The following NPY1R variants were observed in gnomAD, a reference collection of about 807,000 sequenced individuals.
The protein encoded by NPY1R is neuropeptide Y receptor Y1, also known as neuropeptide Y receptor type 1.
NPY1R carries 10 observed loss-of-function variants against 24.1 expected under a neutral mutation model. That is an observed-to-expected ratio of 0.42 (90% confidence interval 0.26 to 0.71). The LOEUF is 0.71. Among genes scored for constraint, NPY1R ranks in the 30% least tolerant of loss-of-function variants. The pLI is 0.28. For missense variants in NPY1R, 350 were observed against 458.0 expected (o/e 0.76, Z 2.15); for synonymous variants, 168 against 165.9 (o/e 1.01, Z -0.10).
chr4:163,326,093 A>G lies in NPY1R; in HGVS notation c.462T>C (p.His154=). Residue 154 remains histidine (H), a synonymous_variant, in exon 2 of 3, where the codon CAT becomes CAC. Transcript: ENST00000296533. ...AAATCACAGCAATACCTACATAAGC[A>G]TGTCTATTATTTGGTCTCCACCCTC... The part of the protein sequence containing the change: ...NPRGWRPNNR[H]AYVGIAVIWV... 6.2e-7 allele frequency: 1 copy of G among 1,614,158 alleles called. No individual in the cohort carries two copies. Among genetic ancestry groups the G allele is most frequent in the Non-Finnish European group, 8.5e-7 (1 of 1,179,996 alleles).
chr4:163,325,254 T>C lies in NPY1R; in HGVS notation c.*49A>G, dbSNP rs755294806. ...GGTAATCAAAGTATGTTGCAGGTTG[T>C]GCTTGTTTTTAAACAGATGTCATCC... On this transcript the variant is annotated 3_prime_UTR_variant, in exon 3 of 3. Coordinates refer to ENST00000296533, the MANE Select transcript of NPY1R (RefSeq NM_000909.6). 1.1e-5 allele frequency: 14 copies of C among 1,305,620 alleles called. No homozygotes were observed. The highest frequency in any genetic ancestry group is 1.5e-5 in the Non-Finnish European group (14 of 930,858). The allele number at this position is 1,305,620 out of a possible 1,614,324, so 80.9% of individuals were successfully genotyped here.
chr4:163,344,138 T>C (rs1028472395), intron 1 of NPY1R: 3 of 151,948 alleles, frequency 2.0e-5, no homozygotes, highest in African/African-American at 7.3e-5. Context: ...TGCCAGGGCG[T>C]TGTCGGGGGT....
upstream of NPY1R, among the ~76,000 whole-genome samples, chr4:163,335,394 C>T (rs1352291476): frequency 2.0e-5 from 3 of 152,132 alleles, no homozygotes; most frequent in Admixed American, 2.0e-4. Flanking sequence ...AAACTTATGG[C>T]CTGGCTCAGC....
intron 1 of NPY1R, among the ~76,000 whole-genome samples, chr4:163,338,686 T>C (rs907906585): frequency 6.6e-6 from 1 of 152,126 alleles, no homozygotes; most frequent in African/African-American, 2.4e-5. Flanking sequence ...CCACCAGAGA[T>C]CCCAATCTTA....
At chr4:163,334,718 G>C (rs535758717), upstream of NPY1R, among the ~76,000 whole-genome samples, 65 of 152,152 alleles carry the variant, frequency 4.3e-4, no homozygotes, top group Non-Finnish European at 7.9e-4. Flanking sequence ...AAATTAGCCA[G>C]GTGTGGTGGT....
chr4:163,326,084 T>G lies in NPY1R; in HGVS notation c.471A>C (p.Val157=), dbSNP rs1293771005. The G allele has an allele frequency of 6.2e-7, 1 of 1,614,016 alleles. No homozygotes were observed. The highest frequency in any genetic ancestry group is 8.5e-7 in the Non-Finnish European group (1 of 1,179,986). The change falls in exon 2 of 3, where the codon GTA becomes GTC. Residue 157 remains valine (V), a synonymous_variant. Transcript: ENST00000296533. ...CAAGGACCCAAATCACAGCAATACCTACATAAGCATGTCTATTATTTGGTC... is the reference window on the plus strand; with the variant it reads ...CAAGGACCCAAATCACAGCAATACCGACATAAGCATGTCTATTATTTGGTC... ...GWRPNNRHAY[V]GIAVIWVLAV... is the part of the protein sequence containing the mutation.
rs1246261995 is a variant in NPY1R, at chr4:163,330,085, C to T, written c.-152+2397G>A. On this transcript the variant is annotated intron_variant, in intron 1 of 2. Transcript: ENST00000296533. ...TAGAAAGCTAGTGCAATAATTTTGG[C>T]GAGAAATAATAGGGACAGAGACCAA... 1.5e-4 allele frequency among the ~76,000 whole-genome samples: 22 copies of T among 151,650 alleles called. 1 individual carries two copies. The highest frequency in any genetic ancestry group is 6.6e-5 in the Admixed American group (1 of 15,244).
chr4:163,328,694 G>T (rs1354576340), intron 1 of NPY1R, among the ~76,000 whole-genome samples: 2 of 152,098 alleles, frequency 1.3e-5, no homozygotes, highest in Non-Finnish European at 2.9e-5. Flanking sequence ...TGAATACACT[G>T]CTCTAGGCAG....
In NPY1R at chr4:163,325,657, G is replaced by GGA. The variant is rs1318406244; in HGVS notation, c.799_800dup (p.Ile268ProfsTer4). 1 of 1,607,264 alleles carries GGA rather than the reference G, an allele frequency of 6.2e-7. No individual in the cohort carries two copies. The highest frequency in any genetic ancestry group is 8.5e-7 in the Non-Finnish European group (1 of 1,178,646). On this transcript the variant is annotated frameshift_variant, in exon 3 of 3. Transcript: ENST00000296533. LOFTEE classifies it high-confidence loss of function. ...AGCAGACTGCAAATGCTACCACAAT[G>GGA]GAGAGCAGCATGATATTGATTCTTT...
chr4:163,327,030 A>T (rs999988863), intron 1 of NPY1R, among the ~76,000 whole-genome samples: 5 of 152,248 alleles, frequency 3.3e-5, no homozygotes, highest in Non-Finnish European at 7.3e-5. Context: ...ATGAATGTAT[A>T]AAAACCACTT....
Position 163,325,668 on chromosome 4 carries a change from T to A in NPY1R, c.790A>T (p.Met264Leu), listed in dbSNP as rs1358709808. Residue 264 changes from methionine (M) to leucine (L), a missense_variant, in exon 3 of 3, where the codon ATG (methionine) becomes TTG (leucine). By Grantham distance (15) the Met-to-Leu change is conservative. Transcript: ENST00000296533. ...AATGCTACCACAATGGAGAGCAGCA[T>A]GATATTGATTCTTTTGGTTTCACTG... ...RSSETKRINI[M>L]LLSIVVAFAV... The A allele has an allele frequency of 1.3e-5, 21 of 1,602,916 alleles. No homozygotes were observed. Among genetic ancestry groups the A allele is most frequent in the Non-Finnish European group, 1.7e-5 (20 of 1,176,152 alleles).
chr4:163,328,707 G>T (rs1281777934), intron 1 of NPY1R, among the ~76,000 whole-genome samples: 1 of 152,148 alleles, frequency 6.6e-6, no homozygotes, highest in Non-Finnish European at 1.5e-5. Context: ...CTAGGCAGGT[G>T]AGTCTGTTCA....
chr4:163,325,634 C>A lies in NPY1R; in HGVS notation c.824G>T (p.Cys275Phe). Residue 275 changes from cysteine (C) to phenylalanine (F), a missense_variant, in exon 3 of 3, where the codon TGC becomes TTC. Physicochemically the swap from Cys to Phe is radical, Grantham distance 205. Transcript: ENST00000296533. Reference protein sequence around the residue: ...LLSIVVAFAVCWLPLTIFNTV... With the variant: ...LLSIVVAFAVFWLPLTIFNTV... ...GTTAAAGATGGTAAGAGGGAGCCAG[C>A]AGACTGCAAATGCTACCACAATGGA... 1 of 1,611,090 alleles carries A rather than the reference C, an allele frequency of 6.2e-7. No individual in the cohort carries two copies. The highest frequency in any genetic ancestry group is 8.5e-7 in the Non-Finnish European group (1 of 1,179,888).
intron 1 of NPY1R, among the ~76,000 whole-genome samples, chr4:163,339,835 A>G (rs1247982235): frequency 6.6e-6 from 1 of 152,098 alleles, no homozygotes; most frequent in Non-Finnish European, 1.5e-5. Context: ...TATGGACCCT[A>G]CTTCCTTTGA....
At chr4:163,330,546 A>G (rs1246053424) in intron 1 of NPY1R, among the ~76,000 whole-genome samples, 1 of 152,250 alleles carries the variant, frequency 6.6e-6, no homozygotes, top group African/African-American at 2.4e-5. Context: ...GAATTTACAC[A>G]CTTTATCTTT....
At chr4:163,328,452 A>G (rs1734657531) in intron 1 of NPY1R, among the ~76,000 whole-genome samples, 1 of 152,270 alleles carries the variant, frequency 6.6e-6, no homozygotes, top group African/African-American at 2.4e-5. Context: ...AAGTTGCTAC[A>G]GAGATATTTA....
intron 1 of NPY1R, among the ~76,000 whole-genome samples, chr4:163,329,924 T>C (rs997547047): frequency 1.1e-4 from 17 of 152,044 alleles, no homozygotes; most frequent in African/African-American, 3.9e-4. Flanking sequence ...TCTGTGCCTA[T>C]AATCCTGAGA....
At chr4:163,341,689 A>T (rs1734984156) in intron 1 of NPY1R, among the ~76,000 whole-genome samples, 1 of 152,210 alleles carries the variant, frequency 6.6e-6, no homozygotes, top group African/African-American at 2.4e-5. Flanking sequence ...TGTAACATGC[A>T]TAAAATCCAA....
chr4:163,327,536 C>T (rs1484445400), intron 1 of NPY1R, among the ~76,000 whole-genome samples: 1 of 152,056 alleles, frequency 6.6e-6, no homozygotes, highest in Non-Finnish European at 1.5e-5. Flanking sequence ...TTATAACCAC[C>T]ATATGAAAAA....
Sources: allele counts gnomAD v4.1 joint callset (sites outside exome capture counted in the v4.1 genomes callset), GRCh38; gene constraint gnomAD v4.1.1; transcripts MANE v1.5; gene names NCBI Gene and HGNC (gene_info 2026-07-23, HGNC 2026-07-21).